The following WDR25 variants were observed in gnomAD, a reference collection of about 807,000 sequenced individuals.
The protein encoded by WDR25 is WD repeat domain 25, also known as WD repeat-containing protein 25.
Under a neutral mutation model 47.7 loss-of-function variants are expected in WDR25, and 35 were observed. The ratio of observed to expected loss-of-function variants is 0.73; its 90% CI spans 0.56 to 0.97. WDR25 has a LOEUF of 0.97. Among genes scored for constraint, WDR25 ranks in the 50% least tolerant of loss-of-function variants. The pLI is 0.00. For missense variants in WDR25, 634 were observed against 704.7 expected, an observed-to-expected ratio of 0.90 and a Z score of 1.14; for synonymous variants, 248 against 278.9, an observed-to-expected ratio of 0.89 and a Z score of 1.10.
At chr14:100,446,198 C>T (rs1025953151) in intron 2 of WDR25, among the ~76,000 whole-genome samples, 8 of 152,092 alleles carry the variant, frequency 5.3e-5, no homozygotes, top group Non-Finnish European at 1.2e-4. Context: ...TGGGGTCCTG[C>T]GGTGGTGGTC....
Position 100,529,269 on chromosome 14 carries a change from C to G in WDR25, c.1413+61C>G, listed in dbSNP as rs750516288. 2.5e-6 allele frequency: 4 copies of G among 1,605,764 alleles called. No homozygotes were observed. The South Asian group carries it at 4.4e-5, about 18-fold the overall frequency. On this transcript the variant is annotated intron_variant, in intron 6 of 6. Transcript: ENST00000402312. This position sits in a 1 kb window ranked among gnomAD's most constrained non-coding sequence, Gnocchi z 5.1. The stretch of plus-strand genomic sequence containing the variant: ...CCCCAGCCCCAAGCCTCCTGGCAGT[C>G]CTGGACATGGGCCCTGGGGTGCATG...
At chr14:100,481,950 A>C (rs1487884417) in intron 3 of WDR25, among the ~76,000 whole-genome samples, 1 of 152,206 alleles carries the variant, frequency 6.6e-6, no homozygotes, top group Non-Finnish European at 1.5e-5. Context: ...TGACCTGGAA[A>C]GTCACTGGAA....
At chr14:100,380,388 G>T (rs1393429106) in intron 1 of WDR25, among the ~76,000 whole-genome samples, 1 of 152,052 alleles carries the variant, frequency 6.6e-6, no homozygotes, top group Non-Finnish European at 1.5e-5. Context: ...ATTTTTTACA[G>T]ATTTACCCCC....
At chr14:100,515,929 C>A (rs968237462) in intron 4 of WDR25, among the ~76,000 whole-genome samples, 5 of 151,716 alleles carry the variant, frequency 3.3e-5, no homozygotes, top group East Asian at 1.9e-4. Context: ...TGAGCCACCA[C>A]GCCCAACCTC....
Position 100,449,657 on chromosome 14 carries a change from C to T in WDR25, c.823-18364C>T, listed in dbSNP as rs903313990. 6.6e-6 allele frequency among the ~76,000 whole-genome samples: 1 copy of T among 152,172 alleles called. No individual in the cohort carries two copies. Among genetic ancestry groups the T allele is most frequent in the African/African-American group, 2.4e-5 (1 of 41,442 alleles). The stretch of plus-strand genomic sequence containing the variant: ...CTAAATCAGGTGATGCTTCCAGGAG[C>T]CCCCACTCAGTAACTGCTGAGAGCA... On this transcript the variant is annotated intron_variant, in intron 2 of 6. Coordinates refer to ENST00000402312, the MANE Select transcript of WDR25 (RefSeq NM_001161476.3). The surrounding 1 kb of genome is among the most constrained non-coding windows in gnomAD (Gnocchi z 4.2).
chr14:100,521,609 G>A (rs970172978), intron 4 of WDR25, among the ~76,000 whole-genome samples: 7 of 152,082 alleles, frequency 4.6e-5, no homozygotes, highest in Admixed American at 3.3e-4. Flanking sequence ...TTACAACTGC[G>A]TAGTGGTCCA....
intron 2 of WDR25, among the ~76,000 whole-genome samples, chr14:100,405,288 AG>A: frequency 6.6e-6 from 1 of 151,890 alleles, no homozygotes; most frequent in African/African-American, 2.4e-5. Context: ...CAGCCTCCTG[AG>A]TAGCTGGGAT....
At chr14:100,391,430 A>C (rs1897143511) in intron 2 of WDR25, among the ~76,000 whole-genome samples, 1 of 152,178 alleles carries the variant, frequency 6.6e-6, no homozygotes, top group African/African-American at 2.4e-5. Context: ...GACGCTGGCT[A>C]TTCATGATTT....
At chr14:100,380,170 C>T (rs1896845403) in intron 1 of WDR25, among the ~76,000 whole-genome samples, 1 of 151,918 alleles carries the variant, frequency 6.6e-6, no homozygotes, top group Non-Finnish European at 1.5e-5. Context: ...GCCTCAGCCT[C>T]CCAAGTAGCT....
In WDR25 at chr14:100,414,313, C is replaced by CTT. The variant is rs1202018412; in HGVS notation, c.822+32585_822+32586dup. 6.1e-4 allele frequency among the ~76,000 whole-genome samples: 63 copies of CTT among 102,854 alleles called. No individual in the cohort carries two copies. In the East Asian group the frequency reaches 6.8e-3, roughly 11 times the overall value. The allele number at this position is 102,854 out of a possible 152,430, so 67.5% of individuals were successfully genotyped here. On this transcript the variant is annotated intron_variant, in intron 2 of 6. Transcript: ENST00000402312. ...CACCGCGCCCAGCCTAGAGGTAGTT[C>CTT]TTTTTTTTTTTTTTTTTTTGAGACA...
chr14:100,423,555 A>T (rs1898084787), intron 2 of WDR25, among the ~76,000 whole-genome samples: 1 of 152,250 alleles, frequency 6.6e-6, no homozygotes, highest in Admixed American at 6.5e-5. Context: ...TATTATAATT[A>T]TCAAGGTAAC....
chr14:100,426,418 A>G (rs1377667370), intron 2 of WDR25, among the ~76,000 whole-genome samples: 4 of 152,246 alleles, frequency 2.6e-5, no homozygotes, highest in African/African-American at 7.2e-5. Flanking sequence ...TTGTGTTCCA[A>G]GTTCTCTGAA....
intron 2 of WDR25, among the ~76,000 whole-genome samples, chr14:100,412,314 C>T (rs989460500): frequency 1.3e-5 from 2 of 151,736 alleles, no homozygotes; most frequent in African/African-American, 4.8e-5. Flanking sequence ...AAATGGTGCA[C>T]GGAAAGTGCT....
In WDR25 at chr14:100,483,976, T is replaced by G; in HGVS notation, c.971-18T>G. On this transcript the variant is annotated intron_variant, in intron 3 of 6. Coordinates refer to ENST00000402312, the MANE Select transcript of WDR25 (RefSeq NM_001161476.3). ...ACCTAAGTACTTTCTAACCCTCTCT[T>G]CTCTTTTTGTGTTGTAGGAACCCAG... 6.2e-7 allele frequency: 1 copy of G among 1,600,368 alleles called. No individual in the cohort carries two copies. Among genetic ancestry groups the G allele is most frequent in the Admixed American group, 1.8e-5 (1 of 56,472 alleles).
intron 4 of WDR25, among the ~76,000 whole-genome samples, chr14:100,503,334 C>G (rs1469471588): frequency 6.6e-6 from 1 of 152,020 alleles, no homozygotes; most frequent in Non-Finnish European, 1.5e-5. Flanking sequence ...CTCCCCCTGC[C>G]CCCCGCATGT....
At chr14:100,481,935 A>G (rs993190253) in intron 3 of WDR25, among the ~76,000 whole-genome samples, 2 of 152,192 alleles carry the variant, frequency 1.3e-5, no homozygotes, top group African/African-American at 4.8e-5. Flanking sequence ...TTTGCTTCCA[A>G]ATTTTGACCT....
rs1404580463 is a variant in WDR25, at chr14:100,530,158, T to G, written c.*117T>G. The G allele has an allele frequency of 9.9e-7, 1 of 1,010,180 alleles. No individual in the cohort carries two copies. The highest frequency in any genetic ancestry group is 1.6e-5 in the African/African-American group (1 of 61,806). The allele number at this position is 1,010,180 out of a possible 1,614,324, so 62.6% of individuals were successfully genotyped here. The stretch of plus-strand genomic sequence containing the variant: ...GCTGTGGGTCCTGGGTACCACCTTC[T>G]GAGCCTCAGTTTCCTCATCTGTAAA... On this transcript the variant is annotated 3_prime_UTR_variant, in exon 7 of 7. Transcript: ENST00000402312.
At chr14:100,516,620 C>T (rs929249841) in intron 4 of WDR25, among the ~76,000 whole-genome samples, 3 of 152,046 alleles carry the variant, frequency 2.0e-5, no homozygotes, top group Non-Finnish European at 4.4e-5. Context: ...CATTGTATTC[C>T]TCTTATTCCT....
chr14:100,488,053 T>C lies in WDR25; in HGVS notation c.1101+3929T>C, dbSNP rs986974518. Reference sequence around the variant, plus strand: ...AGCCAAGTGCTAAGTGTCAAGATTCTGGACTTCTCTAGTCTAGCCCAATTC... The same window carrying C: ...AGCCAAGTGCTAAGTGTCAAGATTCCGGACTTCTCTAGTCTAGCCCAATTC... On this transcript the variant is annotated intron_variant, in intron 4 of 6. Transcript: ENST00000402312. This position sits in a 1 kb window ranked among gnomAD's most constrained non-coding sequence, Gnocchi z 4.2. Among the ~76,000 whole-genome samples the C allele has an allele frequency of 1.8e-4, 27 of 152,216 alleles. 1 individual carries two copies. Among genetic ancestry groups the C allele is most frequent in the Admixed American group, 1.4e-3 (22 of 15,284 alleles).
Sources: gnomAD v4.1 joint callset for allele counts (sites outside exome capture counted in the v4.1 genomes callset) on GRCh38, gnomAD v4.1.1 for gene constraint, Gnocchi (gnomAD v3.1) non-coding constraint, MANE v1.5 for transcripts, NCBI Gene and HGNC (gene_info 2026-07-23, HGNC 2026-07-21) for gene names.